The following TRAPPC9 variants were observed in gnomAD, a reference collection of about 807,000 sequenced individuals.
TRAPPC9 encodes IKK2 binding protein.
A neutral mutation model predicts 124.0 loss-of-function variants in TRAPPC9; 83 were observed. The ratio of observed to expected loss-of-function variants is 0.67; its 90% CI spans 0.56 to 0.80. The LOEUF (loss-of-function observed/expected upper bound fraction) is 0.80. TRAPPC9 is among the 30% of genes least tolerant of loss of function. TRAPPC9 has a pLI of 0.00. For synonymous variants in TRAPPC9, 638 were observed against 617.5 expected (o/e 1.03, Z -0.49); for missense variants, 1,302 against 1,508.3 (o/e 0.86, Z 2.27).
chr8:140,278,909 C>T (rs913381617), intron 14 of TRAPPC9, among the ~76,000 whole-genome samples: 2 of 152,246 alleles, frequency 1.3e-5, no homozygotes, highest in Non-Finnish European at 2.9e-5. Flanking sequence ...GACACTGCTT[C>T]GCAAAGTGAC....
intron 10 of TRAPPC9, among the ~76,000 whole-genome samples, chr8:140,308,630 C>T (rs2066203445): frequency 6.6e-6 from 1 of 152,140 alleles, no homozygotes; most frequent in African/African-American, 2.4e-5. Context: ...CGCCTGTAAT[C>T]CCAACACTTT....
intron 21 of TRAPPC9, among the ~76,000 whole-genome samples, chr8:139,758,789 G>A (rs947934402): frequency 1.3e-5 from 2 of 152,186 alleles, no homozygotes; most frequent in African/African-American, 4.8e-5. Flanking sequence ...TAGCGAAACC[G>A]GGTTATGCTA....
At chr8:140,201,079 C>A (rs1386061973) in intron 17 of TRAPPC9, among the ~76,000 whole-genome samples, 1 of 152,208 alleles carries the variant, frequency 6.6e-6, no homozygotes, top group East Asian at 1.9e-4. Context: ...GCAGGGCTCA[C>A]AGACCCAGGC....
intron 18 of TRAPPC9, among the ~76,000 whole-genome samples, chr8:140,018,927 C>T (rs1457322487): frequency 1.3e-5 from 2 of 152,188 alleles, no homozygotes; most frequent in Non-Finnish European, 2.9e-5. Flanking sequence ...CTAAGTATAA[C>T]ATTAACTGTG....
chr8:140,354,728 C>T (rs1377499517), intron 9 of TRAPPC9, among the ~76,000 whole-genome samples: 2 of 152,180 alleles, frequency 1.3e-5, no homozygotes. Context: ...GTGAATAGCA[C>T]CATGAGCTCT....
At chr8:140,346,992 C>T (rs939816208) in intron 9 of TRAPPC9, among the ~76,000 whole-genome samples, 3 of 152,172 alleles carry the variant, frequency 2.0e-5, no homozygotes, top group African/African-American at 4.8e-5. Flanking sequence ...GGGGTAGCAT[C>T]GGTTCCGGGG....
chr8:139,950,681 G>T (rs1239556452), intron 19 of TRAPPC9, among the ~76,000 whole-genome samples: 2 of 152,220 alleles, frequency 1.3e-5, no homozygotes, highest in African/African-American at 4.8e-5. Context: ...CTACAGGTAT[G>T]AATCAGACCT....
chr8:140,045,343 C>T (rs908493799), intron 17 of TRAPPC9, among the ~76,000 whole-genome samples: 9 of 152,208 alleles, frequency 5.9e-5, no homozygotes, highest in East Asian at 1.9e-4. Context: ...AACCCAAGTC[C>T]GGCCAGGTGC....
At chr8:140,260,829 T>A (rs1333277444) in intron 15 of TRAPPC9, among the ~76,000 whole-genome samples, 1 of 152,194 alleles carries the variant, frequency 6.6e-6, no homozygotes, top group Non-Finnish European at 1.5e-5. Flanking sequence ...AATCTGCCTC[T>A]CACCCCTTAT....
intron 18 of TRAPPC9, among the ~76,000 whole-genome samples, chr8:140,001,618 G>A (rs1277686427): frequency 2.0e-5 from 3 of 152,172 alleles, no homozygotes; most frequent in African/African-American, 7.2e-5. Flanking sequence ...ATAAATAAAT[G>A]AGGGAATACC....
intron 17 of TRAPPC9, among the ~76,000 whole-genome samples, chr8:140,123,958 C>G (rs1019931479): frequency 1.3e-5 from 2 of 152,204 alleles, no homozygotes; most frequent in African/African-American, 4.8e-5. Flanking sequence ...ACTGGACAGG[C>G]TCTGGTCCAT....
intron 17 of TRAPPC9, among the ~76,000 whole-genome samples, chr8:140,069,152 T>A (rs1351215047): frequency 6.6e-6 from 1 of 152,184 alleles, no homozygotes; most frequent in Non-Finnish European, 1.5e-5. Flanking sequence ...CATTAAAGAA[T>A]GCAAGCATAA....
intron 21 of TRAPPC9, among the ~76,000 whole-genome samples, chr8:139,773,726 G>A (rs1049968685): frequency 2.6e-5 from 4 of 152,170 alleles, no homozygotes; most frequent in African/African-American, 9.7e-5. Context: ...AGCCACCTCT[G>A]TAGTCCTCTG....
At chr8:139,757,071 G>C (rs1431376656) in intron 21 of TRAPPC9, among the ~76,000 whole-genome samples, 2 of 135,214 alleles carry the variant, frequency 1.5e-5, no homozygotes, top group Non-Finnish European at 3.2e-5. Context: ...GATGAGGACA[G>C]CAGGTCACAG....
chr8:140,397,534 G>C (rs187400795), intron 7 of TRAPPC9, 86 bp downstream of exon 7: 53 of 1,545,970 alleles, frequency 3.4e-5, no homozygotes, highest in Admixed American at 1.7e-5. Context: ...CTGAACCTCA[G>C]CAAAACGAAA....
chr8:140,188,840 A>T (rs766681837), intron 17 of TRAPPC9, among the ~76,000 whole-genome samples: 9 of 152,198 alleles, frequency 5.9e-5, no homozygotes, highest in Non-Finnish European at 1.2e-4. Context: ...CCGAATTGAT[A>T]CCACCAGGCT....
intron 21 of TRAPPC9, among the ~76,000 whole-genome samples, chr8:139,765,520 A>G (rs900979128): frequency 6.6e-6 from 1 of 152,180 alleles, no homozygotes; most frequent in Non-Finnish European, 1.5e-5. Flanking sequence ...GGGCAAGAGG[A>G]TTAGAGTTAA....
At chr8:140,271,505 T>G (rs1245544817) in intron 15 of TRAPPC9, among the ~76,000 whole-genome samples, 1 of 151,632 alleles carries the variant, frequency 6.6e-6, no homozygotes, top group African/African-American at 2.4e-5. Flanking sequence ...AAAGAAGTCC[T>G]CCAAGTCAGG....
chr8:140,032,084 C>T (rs1840532895), intron 17 of TRAPPC9, among the ~76,000 whole-genome samples: 1 of 152,244 alleles, frequency 6.6e-6, no homozygotes, highest in South Asian at 2.1e-4. Flanking sequence ...AGCCAAATTT[C>T]ACCTTCTCTG....
Sources: allele counts gnomAD v4.1 joint callset (sites outside exome capture counted in the v4.1 genomes callset), GRCh38; gene constraint gnomAD v4.1.1; transcripts MANE v1.5; gene names NCBI Gene and HGNC (gene_info 2026-07-23, HGNC 2026-07-21).